The following POGK variants were observed in gnomAD, a reference collection of about 807,000 sequenced individuals.
POGK encodes the protein pogo transposable element derived with KRAB domain.
POGK carries 16 observed loss-of-function variants against 54.4 expected under a neutral mutation model. That is an observed-to-expected ratio of 0.29 (90% CI 0.20 to 0.45). POGK has a LOEUF of 0.45. Ranked by LOEUF, POGK falls within the 20% of genes least tolerant of loss-of-function variation. POGK has a pLI of 1.00. For missense variants in POGK, 515 were observed against 795.6 expected (o/e 0.65, Z 4.24); for synonymous variants, 271 against 302.2 (o/e 0.90, Z 1.07).
intron 2 of POGK, among the ~76,000 whole-genome samples, chr1:166,841,985 G>A (rs577029198): frequency 4.0e-4 from 61 of 151,368 alleles, no homozygotes; most frequent in African/African-American, 1.4e-3. Flanking sequence ...TTTACCATAT[G>A]TATGCTATAC....
Position 166,855,674 on chromosome 1 carries a change from T to A in POGK, c.*3104T>A, listed in dbSNP as rs1332148104. 1 of 152,390 alleles carries A rather than the reference T, an allele frequency of 6.6e-6. No individual in the cohort carries two copies. Among genetic ancestry groups the A allele is most frequent in the African/African-American group, 2.4e-5 (1 of 41,460 alleles). 9.4% of individuals were successfully genotyped at this position (152,390 alleles called of 1,614,324 possible). A position where few individuals can be genotyped will look rare whatever the true frequency, so the allele number is the denominator to read the frequency against. Reference sequence around the variant, plus strand: ...ACCAGGTGGGTAGGTGACTAGGAATTCAGGCCAGGTCCTAGAGAGTAGTGA... The same window carrying A: ...ACCAGGTGGGTAGGTGACTAGGAATACAGGCCAGGTCCTAGAGAGTAGTGA... On this transcript the variant is annotated 3_prime_UTR_variant, in exon 6 of 6. Coordinates refer to ENST00000367876, the MANE Select transcript of POGK (RefSeq NM_017542.5).
At chr1:166,841,979 C>A (rs1657534585) in intron 2 of POGK, among the ~76,000 whole-genome samples, 1 of 151,802 alleles carries the variant, frequency 6.6e-6, no homozygotes. Flanking sequence ...ATGCATTTTA[C>A]CATATGTATG....
In POGK at chr1:166,849,064, C is replaced by T; in HGVS notation, c.485C>T (p.Pro162Leu). 1.2e-6 allele frequency: 2 copies of T among 1,614,128 alleles called. No individual in the cohort carries two copies. The highest frequency in any genetic ancestry group is 1.7e-6 in the Non-Finnish European group (2 of 1,180,038). ...LRLPRDITEL[P>L]EWSEGYPFYM... Reference sequence around the variant, plus strand: ...CTGCCTCGGGATATCACAGAGCTGCCCGAGTGGAGTGAGGGGTACCCCTTC... The same window carrying T: ...CTGCCTCGGGATATCACAGAGCTGCTCGAGTGGAGTGAGGGGTACCCCTTC... The change falls in exon 5 of 6, where the codon CCC (proline) becomes CTC (leucine). Residue 162 changes from proline (P) to leucine (L), a missense_variant. By Grantham distance (98) the Pro-to-Leu change is moderately conservative. Around this residue, in one of 2 missense-constraint regions of POGK, gnomAD observed 461 missense variants for 743.5 expected, o/e 0.62. Transcript: ENST00000367876.
At chr1:166,848,830 T>C (rs1657941241) in intron 4 of POGK, 108 bp from the exon 5 acceptor site, 1 of 1,396,284 alleles carries the variant, frequency 7.2e-7, no homozygotes, top group African/African-American at 1.4e-5. Context: ...TTACTACTTT[T>C]GGTGAACTTC....
In POGK at chr1:166,849,617, C is replaced by G. The variant is rs771291864; in HGVS notation, c.1038C>G (p.Val346=). 10 of 1,614,268 alleles carry G rather than the reference C, an allele frequency of 6.2e-6. No homozygotes were observed. In the Admixed American group the frequency reaches 1.3e-4, roughly 22 times the overall value. Residue 346 remains valine, a synonymous_variant, in exon 5 of 6, where the codon GTC becomes GTG. Transcript: ENST00000367876. ...TEKLVTYQRS[V]LALRRAHDYE... is the part of the protein sequence containing the mutation. ...AACTCGTCACTTACCAGCGCAGTGT[C>G]CTGGCTCTGCGCAGGGCGCATGACT...
Position 166,850,309 on chromosome 1 carries a change from A to G in POGK, c.1730A>G (p.Glu577Gly). The change falls in exon 5 of 6, where the codon GAG becomes GGG. Residue 577 changes from glutamate to glycine, a missense_variant. Glu to Gly is a moderately conservative substitution (Grantham distance 98). Transcript: ENST00000367876. Reference sequence around the variant, plus strand: ...AAGTGCCATATCTCCAGCAACTTGGAGGAGGAAGACGATGTCCTGTGGGAA... The same window carrying G: ...AAGTGCCATATCTCCAGCAACTTGGGGGAGGAAGACGATGTCCTGTGGGAA... ...FKKCHISSNL[E>G]EEDDVLWEIE... The G allele has an allele frequency of 6.2e-7, 1 of 1,608,180 alleles. No individual in the cohort carries two copies. Among genetic ancestry groups the G allele is most frequent in the African/African-American group, 1.3e-5 (1 of 74,960 alleles).
chr1:166,854,599 ATG>A lies in POGK; in HGVS notation c.*2030_*2031del, dbSNP rs1361602736. Reference sequence around the variant, plus strand: ...TACATCTTTCAGTCAAAAAGTGTTCATGAGATGCAGTGTAAGTAATATTGGTA... The same window carrying A: ...TACATCTTTCAGTCAAAAAGTGTTCAAGATGCAGTGTAAGTAATATTGGTA... On this transcript the variant is annotated 3_prime_UTR_variant, in exon 6 of 6. Transcript: ENST00000367876. 1 of 152,220 alleles carries A rather than the reference ATG, an allele frequency of 6.6e-6. No homozygotes were observed. The highest frequency in any genetic ancestry group is 2.4e-5 in the African/African-American group (1 of 41,454). 9.4% of individuals were successfully genotyped at this position (152,220 alleles called of 1,614,324 possible). A position where few individuals can be genotyped will look rare whatever the true frequency, so the allele number is the denominator to read the frequency against.
intron 4 of POGK, among the ~76,000 whole-genome samples, chr1:166,847,819 G>T (rs989145412): frequency 2.6e-5 from 4 of 152,160 alleles, no homozygotes; most frequent in African/African-American, 9.7e-5. Context: ...AAGACTTGAT[G>T]TATGACCTTG....
chr1:166,841,153 A>T, intron 2 of POGK, 65 bp downstream of exon 2: 8 of 1,589,668 alleles, frequency 5.0e-6, no homozygotes, highest in Non-Finnish European at 6.9e-6. Flanking sequence ...AGCTTGCTTT[A>T]AGTCTCCTCC....
chr1:166,847,631 G>C, intron 4 of POGK, 39 bp downstream of exon 4: 1 of 1,496,874 alleles, frequency 6.7e-7, no homozygotes, highest in Non-Finnish European at 9.3e-7. Context: ...ATCCAGCTGG[G>C]AACATTGTGG....
rs187323246 is a variant in POGK, at chr1:166,852,816, T to C, written c.*246T>C. On this transcript the variant is annotated 3_prime_UTR_variant, in exon 6 of 6. Transcript: ENST00000367876. ...ACCTATCATTTCATCAGAGACATGATCAGAAAAGAAACTGCTTCTGCCCCA... is the reference window on the plus strand; with the variant it reads ...ACCTATCATTTCATCAGAGACATGACCAGAAAAGAAACTGCTTCTGCCCCA... 6.6e-6 allele frequency: 1 copy of C among 152,334 alleles called. No individual in the cohort carries two copies. Among genetic ancestry groups the C allele is most frequent in the East Asian group, 1.9e-4 (1 of 5,182 alleles). 9.4% of individuals were successfully genotyped at this position (152,334 alleles called of 1,614,324 possible). A position where few individuals can be genotyped will look rare whatever the true frequency, so the allele number is the denominator to read the frequency against.
rs746897176 is a variant in POGK, at chr1:166,849,010, C to T, written c.431C>T (p.Pro144Leu). The stretch of plus-strand genomic sequence containing the variant: ...AATGCTACCTCCCAGTTTCCTCAGC[C>T]TCAGCACTTTGACAGCTTTGGCCTC... ...PMNATSQFPQ[P>L]QHFDSFGLRL... The change falls in exon 5 of 6, where the codon CCT (proline) becomes CTT (leucine). Residue 144 changes from proline (P) to leucine (L), a missense_variant. Transcript: ENST00000367876. 6 of 1,614,028 alleles carry T rather than the reference C, an allele frequency of 3.7e-6. No homozygotes were observed. Among genetic ancestry groups the T allele is most frequent in the Non-Finnish European group, 4.2e-6 (5 of 1,180,038 alleles).
At position 166,856,110 on chromosome 1, in the gene POGK, G is replaced by T. The variant is rs1164356166; in HGVS notation, c.*3540G>T. On this transcript the variant is annotated 3_prime_UTR_variant, in exon 6 of 6. Coordinates refer to ENST00000367876, the MANE Select transcript of POGK (RefSeq NM_017542.5). ...TCTGGGAGGCCAAGGTGGGCAGACT[G>T]CTTGAGCTCAGGAGTTCATTACCAG... The T allele has an allele frequency of 6.6e-6, 1 of 151,884 alleles. No individual in the cohort carries two copies. The highest frequency in any genetic ancestry group is 2.4e-5 in the African/African-American group (1 of 41,350). The allele number at this position is 151,884 out of a possible 1,614,324, so 9.4% of individuals were successfully genotyped here. A position where few individuals can be genotyped will look rare whatever the true frequency, so the allele number is the denominator to read the frequency against.
chr1:166,846,532 G>A, intron 2 of POGK, 80 bp from the exon 3 acceptor site: 1 of 1,572,494 alleles, frequency 6.4e-7, no homozygotes, highest in Non-Finnish European at 8.7e-7. Flanking sequence ...GTGCTGGGCT[G>A]TCTGTAAGGT....
intron 2 of POGK, 51 bp from the exon 3 acceptor site, chr1:166,846,561 C>G (rs1657857658): frequency 6.2e-7 from 1 of 1,609,700 alleles, no homozygotes; most frequent in African/African-American, 1.3e-5. Flanking sequence ...CTCTGAAAGT[C>G]TGTCTGCATA....
chr1:166,839,695 TGCGCC>T (rs1657391408), intron 1 of POGK, 91 bp downstream of exon 1: 1 of 109,680 alleles, frequency 9.1e-6, no homozygotes, highest in African/African-American at 3.5e-5. Context: ...GCGCCGAGGC[TGCGCC>T]GCCGCCGCCG....
rs550048892 is a variant in POGK, at chr1:166,840,859, C to A, written c.-2-96C>A. ...CCTCCAGCGGGAACAGTGCTTGGGG[C>A]TAAAGAGGTTTGTATGTGGCTCAGC... On this transcript the variant is annotated intron_variant, in intron 1 of 5. Transcript: ENST00000367876. 1.9e-4 allele frequency: 284 copies of A among 1,494,592 alleles called. 2 individuals are homozygous for A. In the African/African-American group the frequency reaches 3.7e-3, roughly 19 times the overall value. 92.6% of individuals were successfully genotyped at this position (1,494,592 alleles called of 1,614,324 possible).
Position 166,849,485 on chromosome 1 carries a change from G to T in POGK, c.906G>T (p.Gly302=). The T allele has an allele frequency of 6.2e-7, 1 of 1,614,260 alleles. No individual in the cohort carries two copies. Among genetic ancestry groups the T allele is most frequent in the Non-Finnish European group, 8.5e-7 (1 of 1,180,040 alleles). ...IAQEMNIPEK[G]FKASLGWCRR... ...AGGAAATGAACATTCCAGAGAAAGGGTTCAAGGCAAGCTTGGGTTGGTGTC... is the reference window on the plus strand; with the variant it reads ...AGGAAATGAACATTCCAGAGAAAGGTTTCAAGGCAAGCTTGGGTTGGTGTC... Residue 302 remains glycine, a synonymous_variant, in exon 5 of 6, where the codon GGG becomes GGT. Coordinates refer to ENST00000367876, the MANE Select transcript of POGK (RefSeq NM_017542.5).
At position 166,850,524 on chromosome 1, in the gene POGK, C is replaced by G. The variant is rs1658019633; in HGVS notation, c.*14+101C>G. On this transcript the variant is annotated intron_variant, in intron 5 of 5. Coordinates refer to ENST00000367876, the MANE Select transcript of POGK (RefSeq NM_017542.5). ...TTTCTGTTTTTAAGTTCCCTTAGAG[C>G]CTACAGTGCAGTAGTGTAGATCAGG... 15 of 1,332,920 alleles carry G rather than the reference C, an allele frequency of 1.1e-5. No homozygotes were observed. In the South Asian group the frequency reaches 2.3e-4, roughly 20 times the overall value. 82.6% of individuals were successfully genotyped at this position (1,332,920 alleles called of 1,614,324 possible).
Sources: allele counts gnomAD v4.1 joint callset (sites outside exome capture counted in the v4.1 genomes callset), GRCh38; gene constraint gnomAD v4.1.1; regional missense constraint gnomAD v4.1.1; transcripts MANE v1.5; gene names NCBI Gene and HGNC (gene_info 2026-07-23, HGNC 2026-07-21).